KPNA4: variants seen among roughly 807,000 people sequenced by gnomAD.
KPNA4 encodes the protein importin subunit alpha-3.
Under a neutral mutation model 71.3 loss-of-function variants are expected in KPNA4, and 13 were observed. The observed-to-expected ratio is 0.18, with a 90% CI of 0.12 to 0.29. The LOEUF is 0.29. Among genes scored for constraint, KPNA4 ranks in the 10% least tolerant of loss-of-function variants. KPNA4 has a pLI of 1.00. For missense variants in KPNA4, 334 were observed against 603.2 expected, an observed-to-expected ratio of 0.55 and a Z score of 4.67; for synonymous variants, 189 against 195.2, an observed-to-expected ratio of 0.97 and a Z score of 0.26.
chr3:160,527,344 C>T (rs758690284), intron 8 of KPNA4, among the ~76,000 whole-genome samples: 7 of 152,040 alleles, frequency 4.6e-5, no homozygotes, highest in Non-Finnish European at 8.8e-5. Context: ...ATTTTCCTTA[C>T]AATTATTTAT....
chr3:160,508,313 T>C (rs1177989914), intron 14 of KPNA4, 44 bp from the exon 15 acceptor site: 4 of 1,384,328 alleles, frequency 2.9e-6, no homozygotes, highest in African/African-American at 2.9e-5. Flanking sequence ...ATAGGTAAAC[T>C]TTGTGTGCCA....
intron 7 of KPNA4, among the ~76,000 whole-genome samples, chr3:160,529,045 C>A (rs1357300395): frequency 6.6e-6 from 1 of 152,160 alleles, no homozygotes; most frequent in Non-Finnish European, 1.5e-5. Flanking sequence ...CCTCCTACCT[C>A]AGCCTCCTGG....
chr3:160,535,924 A>AAC (rs1553787063), intron 2 of KPNA4, 27 bp from the exon 3 acceptor site: 9 of 1,081,148 alleles, frequency 8.3e-6, no homozygotes, highest in African/African-American at 8.0e-5. Context: ...AAAAAAAAAA[A>AAC]ACCAAACAGA....
At position 160,508,096 on chromosome 3, in the gene KPNA4, A is replaced by C. The variant is rs748253431; in HGVS notation, c.1372+11T>G. 13 of 1,591,950 alleles carry C rather than the reference A, an allele frequency of 8.2e-6. No individual in the cohort carries two copies. Among genetic ancestry groups the C allele is most frequent in the Middle Eastern group, 1.7e-4 (1 of 5,910 alleles). On this transcript the variant is annotated intron_variant, in intron 15 of 16. Transcript: ENST00000334256. ...ATTAAGATGTGGAATAAGAGCTTAT[A>C]ATAAACTTACCTCCACATTCTTCTA...
rs570248225 is a variant in KPNA4 at position 160,536,716 on chromosome 3, T to C, written c.114+80A>G. The C allele has an allele frequency of 1.8e-5, 13 of 710,264 alleles. No individual in the cohort carries two copies. In the Admixed American group the frequency reaches 2.8e-4, roughly 15 times the overall value. The allele number at this position is 710,264 out of a possible 1,614,324, so 44.0% of individuals were successfully genotyped here. On this transcript the variant is annotated intron_variant, in intron 2 of 16. Transcript: ENST00000334256. ...TTATACATTTTACCTAAAAACATAA[T>C]ATATATTTGGCATCTTGTATATAAT...
intron 1 of KPNA4, among the ~76,000 whole-genome samples, chr3:160,553,346 G>A (rs968262507): frequency 6.6e-5 from 10 of 152,200 alleles, no homozygotes; most frequent in African/African-American, 1.9e-4. Flanking sequence ...CAGGCCAGGA[G>A]TAAAAACAAT....
At chr3:160,539,998 C>CTTTTTTTTT (rs376611861) in intron 1 of KPNA4, among the ~76,000 whole-genome samples, 1 of 129,330 alleles carries the variant, frequency 7.7e-6, no homozygotes, top group Non-Finnish European at 1.6e-5. Context: ...TTTTTCTTTT[C>CTTTTTTTTT]TTTTTTTTTT....
chr3:160,557,166 T>C (rs532973022), intron 1 of KPNA4, among the ~76,000 whole-genome samples: 1 of 152,190 alleles, frequency 6.6e-6, no homozygotes, highest in Non-Finnish European at 1.5e-5. Flanking sequence ...GGTATTATCT[T>C]GCTTGTTTTT....
At chr3:160,554,911 C>T (rs1010222216) in intron 1 of KPNA4, among the ~76,000 whole-genome samples, 2 of 152,328 alleles carry the variant, frequency 1.3e-5, no homozygotes, top group Admixed American at 6.5e-5. Flanking sequence ...AAGGAGAGTG[C>T]TTCCCTGAGT....
chr3:160,560,489 T>C (rs1028163484), intron 1 of KPNA4, among the ~76,000 whole-genome samples: 6 of 151,638 alleles, frequency 4.0e-5, no homozygotes, highest in African/African-American at 9.7e-5. Context: ...TTCATCATTA[T>C]AGGCCTCAAA....
chr3:160,527,820 A>G (rs1281255274), intron 8 of KPNA4, 133 bp downstream of exon 8: 4 of 572,654 alleles, frequency 7.0e-6, no homozygotes, highest in South Asian at 2.7e-5. Flanking sequence ...ATACAGTTCA[A>G]ATTTCTGTAA....
At chr3:160,538,115 A>ATATATATGTATATATATGTATG (rs1467386817) in intron 1 of KPNA4, among the ~76,000 whole-genome samples, 40 of 149,802 alleles carry the variant, frequency 2.7e-4, no homozygotes, top group African/African-American at 9.5e-4. Context: ...CACACTATAT[A>ATATATATGTATATATATGTATG]TATATATGTA....
At chr3:160,534,269 G>A (rs1453043813) in intron 5 of KPNA4, among the ~76,000 whole-genome samples, 2 of 151,880 alleles carry the variant, frequency 1.3e-5, no homozygotes, top group Non-Finnish European at 2.9e-5. Flanking sequence ...CTCAACATAG[G>A]GTGTTATTCT....
At chr3:160,519,656 G>A (rs889244402) in intron 11 of KPNA4, among the ~76,000 whole-genome samples, 7 of 151,488 alleles carry the variant, frequency 4.6e-5, no homozygotes, top group Non-Finnish European at 7.4e-5. Flanking sequence ...TTAGCCGGGC[G>A]CGGTGGTGGG....
chr3:160,546,588 C>T (rs1721914906), intron 1 of KPNA4, among the ~76,000 whole-genome samples: 2 of 152,164 alleles, frequency 1.3e-5, no homozygotes, highest in Admixed American at 1.3e-4. Context: ...CCACAATCAA[C>T]TACATCCAGT....
chr3:160,530,579 A>G (rs1364696940), intron 7 of KPNA4, among the ~76,000 whole-genome samples: 3 of 152,218 alleles, frequency 2.0e-5, no homozygotes, highest in African/African-American at 7.2e-5. Flanking sequence ...CTGATGTCCT[A>G]TAAATAAAGT....
At chr3:160,539,998 C>CTTTTTTT (rs376611861) in intron 1 of KPNA4, among the ~76,000 whole-genome samples, 6 of 129,322 alleles carry the variant, frequency 4.6e-5, no homozygotes, top group Admixed American at 8.2e-5. Context: ...TTTTTCTTTT[C>CTTTTTTT]TTTTTTTTTT....
Position 160,497,624 on chromosome 3 carries a change from A to G in KPNA4, c.*4480T>C, listed in dbSNP as rs1170005387. 1 of 152,230 alleles carries G rather than the reference A, an allele frequency of 6.6e-6. No individual in the cohort carries two copies. Among genetic ancestry groups the G allele is most frequent in the Non-Finnish European group, 1.5e-5 (1 of 68,038 alleles). The allele number at this position is 152,230 out of a possible 1,614,324, so 9.4% of individuals were successfully genotyped here. ...TTAGTGTTTGGGAGTATTGCCTCAGATATCTGGGCAAAATTTTTTCCTCCC... is the reference window on the plus strand; with the variant it reads ...TTAGTGTTTGGGAGTATTGCCTCAGGTATCTGGGCAAAATTTTTTCCTCCC... On this transcript the variant is annotated 3_prime_UTR_variant, in exon 17 of 17. Transcript: ENST00000334256.
chr3:160,517,045 T>A (rs927765088), intron 11 of KPNA4, among the ~76,000 whole-genome samples: 4 of 152,028 alleles, frequency 2.6e-5, no homozygotes, highest in Admixed American at 6.5e-5. Context: ...TTCAGAGTTG[T>A]GTAACTATTA....
Sources: allele counts gnomAD v4.1 joint callset (sites outside exome capture counted in the v4.1 genomes callset), GRCh38; gene constraint gnomAD v4.1.1; transcripts MANE v1.5; gene names NCBI Gene and HGNC (gene_info 2026-07-23, HGNC 2026-07-21).